The following NKAIN2 variants were observed in gnomAD, a reference collection of about 807,000 sequenced individuals.
NKAIN2 encodes sodium/potassium transporting ATPase interacting 2.
A neutral mutation model predicts 32.6 loss-of-function variants in NKAIN2; 14 were observed. The ratio of observed to expected loss-of-function variants is 0.43; its 90% confidence interval spans 0.28 to 0.67. NKAIN2 has a LOEUF of 0.67. Among genes scored for constraint, NKAIN2 ranks in the 30% least tolerant of loss-of-function variants. The pLI, the probability that NKAIN2 is intolerant of heterozygous loss-of-function variation, is 0.17. For synonymous variants in NKAIN2, 80 were observed against 87.2 expected (o/e 0.92, Z 0.46); for missense variants, 198 against 258.3 (o/e 0.77, Z 1.60).
intron 3 of NKAIN2, among the ~76,000 whole-genome samples, chr6:124,484,915 G>A (rs1192938200): frequency 1.3e-5 from 2 of 152,042 alleles, no homozygotes; most frequent in Non-Finnish European, 2.9e-5. Context: ...GTTGTTTTCA[G>A]CAAAGTCCCT....
chr6:124,528,670 T>G (rs376451510), intron 3 of NKAIN2, among the ~76,000 whole-genome samples: 4 of 152,300 alleles, frequency 2.6e-5, no homozygotes, highest in African/African-American at 9.6e-5. Flanking sequence ...ATAACACTGC[T>G]GCATCTTTAA....
chr6:124,345,468 C>A (rs571593389), intron 2 of NKAIN2, among the ~76,000 whole-genome samples: 7 of 152,056 alleles, frequency 4.6e-5, no homozygotes, highest in African/African-American at 1.7e-4. Flanking sequence ...TGGTCCTGGA[C>A]TCTTTTTGGT....
intron 1 of NKAIN2, among the ~76,000 whole-genome samples, chr6:124,229,609 T>C (rs1227885534): frequency 1.3e-5 from 2 of 152,106 alleles, no homozygotes; most frequent in Non-Finnish European, 2.9e-5. Context: ...GAATTCTACT[T>C]CCTTAATTCC....
chr6:124,133,150 C>T (rs1409461023), intron 1 of NKAIN2, among the ~76,000 whole-genome samples: 1 of 152,150 alleles, frequency 6.6e-6, no homozygotes, highest in East Asian at 1.9e-4. Context: ...TGGGGCTTGC[C>T]CCACAGGAAA....
At chr6:124,709,847 T>G (rs901053794) in intron 4 of NKAIN2, among the ~76,000 whole-genome samples, 1 of 151,436 alleles carries the variant, frequency 6.6e-6, no homozygotes, top group African/African-American at 2.4e-5. Context: ...CTGCTCTGAT[T>G]TTAGTTATTT....
intron 3 of NKAIN2, among the ~76,000 whole-genome samples, chr6:124,473,940 T>C (rs1210763101): frequency 6.6e-6 from 1 of 152,148 alleles, no homozygotes; most frequent in Non-Finnish European, 1.5e-5. Flanking sequence ...AAAAGAATAT[T>C]ATTCAGGTGC....
chr6:124,535,136 T>G (rs938290316), intron 3 of NKAIN2, among the ~76,000 whole-genome samples: 3 of 152,204 alleles, frequency 2.0e-5, no homozygotes, highest in Non-Finnish European at 2.9e-5. Flanking sequence ...CTATTTTCAA[T>G]CCACAGTTGA....
At chr6:124,491,323 T>A (rs1262198828) in intron 3 of NKAIN2, among the ~76,000 whole-genome samples, 1 of 151,934 alleles carries the variant, frequency 6.6e-6, no homozygotes, top group Non-Finnish European at 1.5e-5. Context: ...CTTTAATCTC[T>A]AAGTTCTTTG....
At chr6:124,240,566 C>A (rs1047295482) in intron 1 of NKAIN2, among the ~76,000 whole-genome samples, 9 of 152,076 alleles carry the variant, frequency 5.9e-5, no homozygotes, top group Admixed American at 2.0e-4. Context: ...TCAGCTTCAT[C>A]CCTGGGATGT....
intron 4 of NKAIN2, among the ~76,000 whole-genome samples, chr6:124,680,528 C>T (rs1290533557): frequency 6.6e-6 from 1 of 152,050 alleles, no homozygotes; most frequent in African/African-American, 2.4e-5. Flanking sequence ...AGAGTTCCTA[C>T]ATACAGGAAC....
intron 1 of NKAIN2, among the ~76,000 whole-genome samples, chr6:124,037,158 T>A (rs1205759483): frequency 1.3e-5 from 2 of 152,012 alleles, no homozygotes; most frequent in Non-Finnish European, 2.9e-5. Flanking sequence ...GAGGAAGTGA[T>A]CACTTCCAAG....
At chr6:124,319,115 A>T (rs944653827) in intron 2 of NKAIN2, among the ~76,000 whole-genome samples, 1 of 152,050 alleles carries the variant, frequency 6.6e-6, no homozygotes, top group African/African-American at 2.4e-5. Flanking sequence ...CTCTCCTACC[A>T]GTCCCTAGAA....
intron 1 of NKAIN2, among the ~76,000 whole-genome samples, chr6:124,089,837 A>T (rs1784345114): frequency 6.6e-6 from 1 of 151,908 alleles, no homozygotes; most frequent in African/African-American, 2.4e-5. Flanking sequence ...TCTTATCCTC[A>T]TTTTATGGAT....
At chr6:124,689,902 T>C (rs771173897) in intron 4 of NKAIN2, among the ~76,000 whole-genome samples, 16 of 152,118 alleles carry the variant, frequency 1.1e-4, no homozygotes, top group Non-Finnish European at 1.6e-4. Context: ...GCTCCAACTT[T>C]GGTCTTTTCC....
At chr6:124,544,087 A>C (rs2114850937) in intron 3 of NKAIN2, among the ~76,000 whole-genome samples, 1 of 152,298 alleles carries the variant, frequency 6.6e-6, no homozygotes, top group East Asian at 1.9e-4. Context: ...TCGGTAGAGA[A>C]GAAACTACAT....
chr6:124,470,227 G>A (rs1328151623), intron 3 of NKAIN2, among the ~76,000 whole-genome samples: 2 of 152,136 alleles, frequency 1.3e-5, no homozygotes, highest in Non-Finnish European at 2.9e-5. Context: ...ATCAAAGGGT[G>A]CTGGTGAGAG....
intron 1 of NKAIN2, among the ~76,000 whole-genome samples, chr6:124,127,131 T>TG (rs995430300): frequency 6.6e-5 from 10 of 152,194 alleles, no homozygotes; most frequent in African/African-American, 2.4e-4. Flanking sequence ...ACTTAACATT[T>TG]GGGCATCAGT....
intron 4 of NKAIN2, among the ~76,000 whole-genome samples, chr6:124,666,409 T>G (rs1309448690): frequency 1.3e-5 from 2 of 152,172 alleles, no homozygotes; most frequent in Non-Finnish European, 2.9e-5. Flanking sequence ...TTCAGAACCT[T>G]GACTGGATCC....
chr6:124,163,403 TA>T (rs77253372), intron 1 of NKAIN2, among the ~76,000 whole-genome samples: 8,382 of 152,074 alleles, frequency 0.055, 427 homozygotes, highest in African/African-American at 0.12. Context: ...GTCTCATTGA[TA>T]TTTTTTTGTT....
Sources: gnomAD v4.1 joint callset for allele counts (sites outside exome capture counted in the v4.1 genomes callset) on GRCh38, gnomAD v4.1.1 for gene constraint, MANE v1.5 for transcripts, NCBI Gene and HGNC (gene_info 2026-07-23, HGNC 2026-07-21) for gene names.